Variants in FRMPD4 observed in about 807,000 individuals in gnomAD.
FRMPD4 encodes FERM and PDZ domain containing 4.
Under a neutral mutation model 94.1 loss-of-function variants are expected in FRMPD4, and 22 were observed. The observed-to-expected ratio is 0.23, with a 90% CI of 0.17 to 0.33. FRMPD4 has a LOEUF of 0.33. Among genes scored for constraint, FRMPD4 ranks in the 10% least tolerant of loss-of-function variants. The pLI is 1.00. For missense variants in FRMPD4, 1,111 were observed against 1,339.9 expected, an observed-to-expected ratio of 0.83 and a Z score of 2.67; for synonymous variants, 631 against 548.6, an observed-to-expected ratio of 1.15 and a Z score of -2.10.
intron 1 of FRMPD4, among the ~76,000 whole-genome samples, chrX:12,470,301 T>TC (rs1301917635): frequency 1.1e-4 from 12 of 111,689 alleles, no homozygotes; most frequent in Non-Finnish European, 2.3e-4. Context: ...GTACTAGCTT[T>TC]CCCCCCACTG....
intron 1 of FRMPD4, among the ~76,000 whole-genome samples, chrX:11,827,036 A>T (rs1319324935): frequency 1.1e-5 from 1 of 89,866 alleles, no homozygotes; most frequent in African/African-American, 4.0e-5. Flanking sequence ...AGAATTTAAA[A>T]TTTTTGTGTT....
At chrX:11,919,374 G>T (rs1423313431) in intron 3 of FRMPD4, among the ~76,000 whole-genome samples, 1 of 112,271 alleles carries the variant, frequency 8.9e-6, no homozygotes, top group Admixed American at 9.4e-5. Context: ...TATCTGTTAT[G>T]AATCATTGGT....
At chrX:12,093,176 G>A (rs1371009552) in intron 3 of FRMPD4, among the ~76,000 whole-genome samples, 1 of 111,493 alleles carries the variant, frequency 9.0e-6, no homozygotes, top group Non-Finnish European at 1.9e-5. Context: ...CATAGAATGT[G>A]GGGAAGATTG....
At chrX:12,575,256 A>G (rs2058798632) in intron 2 of FRMPD4, among the ~76,000 whole-genome samples, 1 of 111,366 alleles carries the variant, frequency 9.0e-6, no homozygotes, top group Admixed American at 9.5e-5. Flanking sequence ...TGTTTTCCTC[A>G]TCTGTTAAGT....
In FRMPD4 at chrX:11,983,965, A is replaced by G. The variant is rs1352366450; in HGVS notation, c.95+105947A>G. ...CCTGGGAATTTAACCATGCCAGTGT[A>G]GTCTTTTTTACATTAACTGGAGAAA... On this transcript the variant is annotated intron_variant, in intron 3 of 18. Transcript: ENST00000640291. Among the ~76,000 whole-genome samples the G allele has an allele frequency of 7.1e-5, 8 of 111,900 alleles. No homozygotes were observed. The Admixed American group carries it at 7.6e-4, about 11-fold the overall frequency.
chrX:12,220,985 A>G (rs1390581869), intron 1 of FRMPD4, among the ~76,000 whole-genome samples: 1 of 111,872 alleles, frequency 8.9e-6, no homozygotes, highest in Non-Finnish European at 1.9e-5. Flanking sequence ...TATCAATTTC[A>G]TGGGAATAAG....
intron 3 of FRMPD4, among the ~76,000 whole-genome samples, chrX:11,950,556 A>T (rs967744263): frequency 1.1e-4 from 12 of 111,717 alleles, no homozygotes; most frequent in African/African-American, 3.6e-4. Context: ...TTTGACCAGC[A>T]TCTCTGCATT....
chrX:12,332,393 G>A lies in FRMPD4; in HGVS notation c.42-166287G>A, dbSNP rs2055444852. On this transcript the variant is annotated intron_variant, in intron 1 of 16. Coordinates refer to ENST00000675598, the MANE Select transcript of FRMPD4 (RefSeq NM_001368397.1). The stretch of plus-strand genomic sequence containing the variant: ...GGGGAAAAGTTTAATGCTTCATGCT[G>A]CAATTTGATTTTCCTGGTTTCCAAA... Among the ~76,000 whole-genome samples, 6 of 108,115 alleles carry A rather than the reference G, an allele frequency of 5.5e-5. No individual in the cohort carries two copies. The Admixed American group carries it at 6.2e-4, about 11-fold the overall frequency. 93.9% of individuals were successfully genotyped at this position (108,115 alleles called of 115,157 possible). A position where few individuals can be genotyped will look rare whatever the true frequency, so the allele number is the denominator to read the frequency against.
chrX:12,501,511 G>A (rs2057920998), intron 2 of FRMPD4, among the ~76,000 whole-genome samples: 1 of 107,830 alleles, frequency 9.3e-6, no homozygotes, highest in Admixed American at 9.9e-5. Context: ...GAGTTCTCGG[G>A]AGCCCAGGTT....
At chrX:11,989,570 G>A (rs2054452395) in intron 3 of FRMPD4, among the ~76,000 whole-genome samples, 1 of 110,933 alleles carries the variant, frequency 9.0e-6, no homozygotes, top group Non-Finnish European at 1.9e-5. Flanking sequence ...ATAAGGCCTA[G>A]TATTCTAAAG....
intron 2 of FRMPD4, among the ~76,000 whole-genome samples, chrX:12,606,219 A>G (rs1442939022): frequency 8.9e-6 from 1 of 112,430 alleles, no homozygotes; most frequent in Non-Finnish European, 1.9e-5. Context: ...ATCAAGCTCC[A>G]GAAGTTTTAA....
At chrX:11,838,740 T>C (rs1368347806) in intron 1 of FRMPD4, among the ~76,000 whole-genome samples, 4 of 111,520 alleles carry the variant, frequency 3.6e-5, no homozygotes, top group Non-Finnish European at 7.5e-5. Flanking sequence ...TCGTACAATA[T>C]GTAGTATTTT....
intron 3 of FRMPD4, among the ~76,000 whole-genome samples, chrX:11,900,474 G>T (rs1017613675): frequency 2.7e-5 from 3 of 111,936 alleles, no homozygotes; most frequent in Non-Finnish European, 5.6e-5. Flanking sequence ...CACTGGCAAG[G>T]GGTCGTCCCC....
In FRMPD4 at chrX:12,612,919, T is replaced by C. The variant is rs577018439; in HGVS notation, c.320-1860T>C. Among the ~76,000 whole-genome samples the C allele has an allele frequency of 6.2e-4, 69 of 111,647 alleles. No homozygotes were observed. The Middle Eastern group carries it at 0.028, about 45-fold the overall frequency. ...CAGTAATATAAGGACATGTTAAGTTTCTCCTACTCTCTTACTTCCCGGAAG... is the reference window on the plus strand; with the variant it reads ...CAGTAATATAAGGACATGTTAAGTTCCTCCTACTCTCTTACTTCCCGGAAG... On this transcript the variant is annotated intron_variant, in intron 3 of 16. Transcript: ENST00000675598.
intron 3 of FRMPD4, among the ~76,000 whole-genome samples, chrX:11,979,598 T>G (rs1271242999): frequency 8.9e-6 from 1 of 112,144 alleles, no homozygotes; most frequent in Non-Finnish European, 1.9e-5. Flanking sequence ...TCATTGTGGT[T>G]TTAATTTTTA....
At chrX:12,544,797 G>A (rs1302662408) in intron 2 of FRMPD4, among the ~76,000 whole-genome samples, 1 of 111,444 alleles carries the variant, frequency 9.0e-6, no homozygotes, top group Non-Finnish European at 1.9e-5. Context: ...GCTGCTACTG[G>A]TAAACCCATA....
chrX:12,011,429 A>G (rs886995951), intron 3 of FRMPD4, among the ~76,000 whole-genome samples: 5 of 112,301 alleles, frequency 4.5e-5, no homozygotes, highest in Non-Finnish European at 9.4e-5. Context: ...CAGTGATTCA[A>G]TCATACTAGC....
intron 4 of FRMPD4, among the ~76,000 whole-genome samples, chrX:12,640,864 G>C (rs1305803640): frequency 9.0e-6 from 1 of 111,274 alleles, no homozygotes; most frequent in African/African-American, 3.3e-5. Flanking sequence ...TCCACTAAAA[G>C]TTTACCCAAA....
At position 12,173,985 on chromosome X, in the gene FRMPD4, G is replaced by A. The variant is rs1349139061; in HGVS notation, c.41+34973G>A. On this transcript the variant is annotated intron_variant, in intron 1 of 16. Coordinates refer to ENST00000675598, the MANE Select transcript of FRMPD4 (RefSeq NM_001368397.1). ...TCCCAGGCTGGGACACTCTTCCAGG[G>A]GCTCTTCCAGGGGCTGCCTCCCTCC... is the stretch of plus-strand genomic sequence containing the variant. Among the ~76,000 whole-genome samples the A allele has an allele frequency of 3.6e-5, 4 of 111,181 alleles. No individual in the cohort carries two copies. In the East Asian group the frequency reaches 1.1e-3, roughly 31 times the overall value.
Sources: gnomAD v4.1 joint callset for allele counts (sites outside exome capture counted in the v4.1 genomes callset) on GRCh38, gnomAD v4.1.1 for gene constraint, MANE v1.5 for transcripts, NCBI Gene and HGNC (gene_info 2026-07-23, HGNC 2026-07-21) for gene names.